NTM: variants seen among roughly 807,000 people sequenced by gnomAD.
The protein encoded by NTM is IgLON family member 2.
In NTM, 13 loss-of-function variants were observed where a neutral mutation model predicts 42.1. The ratio of observed to expected loss-of-function variants is 0.31; its 90% CI spans 0.20 to 0.49. The LOEUF (loss-of-function observed/expected upper bound fraction) is 0.49, where lower values mean the gene tolerates loss of function less well. Among genes scored for constraint, NTM ranks in the 20% least tolerant of loss-of-function variants. NTM has a pLI of 0.99. For synonymous variants in NTM, 187 were observed against 179.2 expected, an observed-to-expected ratio of 1.04 and a Z score of -0.35; for missense variants, 373 against 452.8, an observed-to-expected ratio of 0.82 and a Z score of 1.60.
At chr11:131,598,782 C>CTTTTT (rs1209400630) in intron 1 of NTM, among the ~76,000 whole-genome samples, 1 of 59,738 alleles carries the variant, frequency 1.7e-5, no homozygotes, top group African/African-American at 5.0e-5. Flanking sequence ...TTCTTTCTTT[C>CTTTTT]TTCTTTCTTT....
intron 1 of NTM, among the ~76,000 whole-genome samples, chr11:131,401,838 A>ATATATGTGTG (rs1945256077): frequency 1.1e-5 from 1 of 93,048 alleles, no homozygotes; most frequent in African/African-American, 3.8e-5. Flanking sequence ...ATATATATAT[A>ATATATGTGTG]TATATATATA....
chr11:132,109,175 G>A (rs2062830431), intron 2 of NTM, among the ~76,000 whole-genome samples: 1 of 130,148 alleles, frequency 7.7e-6, no homozygotes, highest in African/African-American at 3.1e-5. Flanking sequence ...ACGTGTGCAT[G>A]TGTCTTTATA....
At chr11:131,597,283 C>T (rs2059895108) in intron 1 of NTM, among the ~76,000 whole-genome samples, 1 of 152,118 alleles carries the variant, frequency 6.6e-6, no homozygotes, top group Non-Finnish European at 1.5e-5. Flanking sequence ...GTGGCACTTG[C>T]TCTGTCTTCC....
At chr11:131,486,389 G>C (rs182401293) in intron 1 of NTM, among the ~76,000 whole-genome samples, 1 of 152,236 alleles carries the variant, frequency 6.6e-6, no homozygotes, top group East Asian at 1.9e-4. Flanking sequence ...TGTGCTGCTT[G>C]GTCACTCAGC....
intron 1 of NTM, among the ~76,000 whole-genome samples, chr11:131,907,409 A>G (rs2137840317): frequency 6.6e-6 from 1 of 152,236 alleles, no homozygotes; most frequent in East Asian, 1.9e-4. Flanking sequence ...TACACATGGC[A>G]GGCTCTTCTC....
At chr11:131,725,759 G>T (rs1400532442) in intron 1 of NTM, among the ~76,000 whole-genome samples, 4 of 152,184 alleles carry the variant, frequency 2.6e-5, no homozygotes, top group Non-Finnish European at 2.9e-5. Context: ...ACACTGGATG[G>T]TGTTGAGCTG....
At chr11:131,742,704 TA>T (rs1046781285) in intron 1 of NTM, among the ~76,000 whole-genome samples, 10 of 152,174 alleles carry the variant, frequency 6.6e-5, no homozygotes, top group African/African-American at 2.4e-4. Context: ...CAACTAAAAT[TA>T]AAAAATTTTC....
chr11:131,663,039 C>T (rs949946709), intron 1 of NTM: 7 of 152,178 alleles, frequency 4.6e-5, no homozygotes, highest in Non-Finnish European at 1.0e-4. Context: ...ACAACACATT[C>T]CCCAGCACTA....
chr11:131,922,516 C>T (rs1034148880), intron 2 of NTM, among the ~76,000 whole-genome samples: 5 of 152,228 alleles, frequency 3.3e-5, no homozygotes, highest in African/African-American at 4.8e-5. Flanking sequence ...AAACCTAGTA[C>T]ATCCTTTATT....
At position 132,135,438 on chromosome 11, in the gene NTM, G is replaced by A. The variant is rs1168198518; in HGVS notation, c.168-10844G>A. On this transcript the variant is annotated intron_variant, in intron 2 of 8. Transcript: ENST00000683400. ...TTCCAGTTCTCTAGAGGCAGATTCT[G>A]GGATACGGATTTGTGTGGTCATGAC... Among the ~76,000 whole-genome samples the A allele has an allele frequency of 2.0e-5, 3 of 152,360 alleles. 1 individual carries two copies. Among genetic ancestry groups the A allele is most frequent in the Middle Eastern group, 6.8e-3 (2 of 294 alleles).
rs910592630 is a variant in NTM at position 132,311,349 on chromosome 11, T to TA, written c.782+1126dup. On this transcript the variant is annotated intron_variant, in intron 6 of 8. Transcript: ENST00000683400. The stretch of plus-strand genomic sequence containing the variant: ...AATGAAAAGCAGTGTTTTGTTTTTT[T>TA]AAAAAAAAATTTTTAAGGACACATT... Among the ~76,000 whole-genome samples the TA allele has an allele frequency of 2.6e-5, 4 of 151,960 alleles. No homozygotes were observed. The East Asian group carries it at 5.8e-4, about 22-fold the overall frequency.
intron 1 of NTM, among the ~76,000 whole-genome samples, chr11:131,804,855 G>A (rs1338262205): frequency 5.3e-5 from 8 of 152,102 alleles, no homozygotes; most frequent in Admixed American, 5.2e-4. Context: ...CCTTGTCAAA[G>A]GGCTGGAGGG....
chr11:131,524,513 C>A (rs2050195040), intron 1 of NTM, among the ~76,000 whole-genome samples: 1 of 152,204 alleles, frequency 6.6e-6, no homozygotes, highest in Admixed American at 6.5e-5. Context: ...CAGGGTCATG[C>A]TCTAGAAAGG....
chr11:131,960,261 C>G (rs1015986906), intron 2 of NTM, among the ~76,000 whole-genome samples: 2 of 152,190 alleles, frequency 1.3e-5, no homozygotes, highest in African/African-American at 2.4e-5. Context: ...CCAGGTAAGA[C>G]CTCCGTCCAT....
intron 1 of NTM, among the ~76,000 whole-genome samples, chr11:131,830,945 G>T (rs1365045812): frequency 6.6e-6 from 1 of 152,020 alleles, no homozygotes; most frequent in Non-Finnish European, 1.5e-5. Context: ...ATTGTAAATG[G>T]GATTGCATTC....
At chr11:132,063,850 G>T (rs2081049372) in intron 2 of NTM, among the ~76,000 whole-genome samples, 1 of 152,212 alleles carries the variant, frequency 6.6e-6, no homozygotes, top group African/African-American at 2.4e-5. Flanking sequence ...CATAGCACTT[G>T]TGATAAGCCA....
intron 1 of NTM, among the ~76,000 whole-genome samples, chr11:131,613,762 C>G (rs2061658661): frequency 6.6e-6 from 1 of 152,124 alleles, no homozygotes; most frequent in Non-Finnish European, 1.5e-5. Context: ...GAAGTTAAGT[C>G]ACTAGCCCAA....
At chr11:132,284,410 T>A (rs191680903) in intron 4 of NTM, 5 of 152,470 alleles carry the variant, frequency 3.3e-5, no homozygotes, top group Non-Finnish European at 7.3e-5. Flanking sequence ...CTCTGTGTCC[T>A]GATCTCTTCT....
At chr11:131,505,927 G>T (rs1220933116) in intron 1 of NTM, among the ~76,000 whole-genome samples, 1 of 151,994 alleles carries the variant, frequency 6.6e-6, no homozygotes, top group South Asian at 2.1e-4. Flanking sequence ...GGGATGATTT[G>T]CCCAGATGTA....
Sources: allele counts gnomAD v4.1 joint callset (sites outside exome capture counted in the v4.1 genomes callset), GRCh38; gene constraint gnomAD v4.1.1; transcripts MANE v1.5; gene names NCBI Gene and HGNC (gene_info 2026-07-23, HGNC 2026-07-21).